The following GALNT7 variants were observed in gnomAD, a reference collection of about 807,000 sequenced individuals.
GALNT7 encodes polypeptide N-acetylgalactosaminyltransferase 7.
A neutral mutation model predicts 82.1 loss-of-function variants in GALNT7; 60 were observed. That is an observed-to-expected ratio of 0.73 (90% CI 0.59 to 0.91). The LOEUF is 0.91. Among genes scored for constraint, GALNT7 ranks in the 40% least tolerant of loss-of-function variants. The pLI is 0.00. For missense variants in GALNT7, 660 were observed against 804.2 expected, an observed-to-expected ratio of 0.82 and a Z score of 2.17; for synonymous variants, 243 against 275.1, an observed-to-expected ratio of 0.88 and a Z score of 1.15.
chr4:173,176,150 G>A (rs1356655814), intron 1 of GALNT7, among the ~76,000 whole-genome samples: 1 of 152,174 alleles, frequency 6.6e-6, no homozygotes, highest in Non-Finnish European at 1.5e-5. Context: ...GAAGGTGATG[G>A]CCAGAGCAGA....
intron 1 of GALNT7, among the ~76,000 whole-genome samples, chr4:173,222,389 A>G (rs1448843858): frequency 1.3e-5 from 2 of 152,176 alleles, no homozygotes; most frequent in Non-Finnish European, 2.9e-5. Flanking sequence ...CTCCTGCCTC[A>G]GTCTCCTGAG....
At position 173,317,620 on chromosome 4, in the gene GALNT7, A is replaced by T. The variant is rs1250587671; in HGVS notation, c.1609-14A>T. Reference sequence around the variant, plus strand: ...ACTGTTGCCTGCTTTTTGCGTCTTTATTCATTTTTTTAGATCAGAGGCTTC... The same window carrying T: ...ACTGTTGCCTGCTTTTTGCGTCTTTTTTCATTTTTTTAGATCAGAGGCTTC... On this transcript the variant is annotated splice_polypyrimidine_tract_variant and intron_variant, in intron 9 of 11. Coordinates refer to ENST00000265000, the MANE Select transcript of GALNT7 (RefSeq NM_017423.3). 2 of 1,524,630 alleles carry T rather than the reference A, an allele frequency of 1.3e-6. No individual in the cohort carries two copies. The highest frequency in any genetic ancestry group is 1.7e-5 in the Admixed American group (1 of 59,266). 94.4% of individuals were successfully genotyped at this position (1,524,630 alleles called of 1,614,324 possible).
At chr4:173,177,205 G>T (rs754229494) in intron 1 of GALNT7, among the ~76,000 whole-genome samples, 8 of 152,160 alleles carry the variant, frequency 5.3e-5, no homozygotes, top group Non-Finnish European at 7.3e-5. Context: ...CAGATAATTT[G>T]CATTTCTAAC....
At chr4:173,231,446 T>C (rs1325750764) in intron 1 of GALNT7, among the ~76,000 whole-genome samples, 1 of 152,188 alleles carries the variant, frequency 6.6e-6, no homozygotes, top group African/African-American at 2.4e-5. Flanking sequence ...TTTAGCATTG[T>C]GGCCACCAGC....
chr4:173,281,038 A>C (rs1330719985), intron 2 of GALNT7, among the ~76,000 whole-genome samples: 2 of 152,194 alleles, frequency 1.3e-5, no homozygotes, highest in Non-Finnish European at 1.5e-5. Flanking sequence ...CAGTCGGCCC[A>C]AAATTCAGAC....
chr4:173,275,233 G>A (rs1479078933), intron 2 of GALNT7, among the ~76,000 whole-genome samples: 2 of 152,162 alleles, frequency 1.3e-5, no homozygotes, highest in African/African-American at 2.4e-5. Flanking sequence ...ATTATTTAAG[G>A]TTATAGTAGA....
chr4:173,183,965 C>T (rs1384483786), intron 1 of GALNT7, among the ~76,000 whole-genome samples: 10 of 128,434 alleles, frequency 7.8e-5, no homozygotes, highest in Admixed American at 3.8e-4. Flanking sequence ...CAGACGGGGT[C>T]GCGGCCGGGC....
chr4:173,257,437 C>T (rs1193076259), intron 2 of GALNT7, among the ~76,000 whole-genome samples: 1 of 152,148 alleles, frequency 6.6e-6, no homozygotes, highest in Non-Finnish European at 1.5e-5. Flanking sequence ...CTTGGTATAT[C>T]ATAAATAGAT....
intron 2 of GALNT7, among the ~76,000 whole-genome samples, chr4:173,254,801 A>C (rs1213562603): frequency 6.6e-6 from 1 of 152,236 alleles, no homozygotes; most frequent in Non-Finnish European, 1.5e-5. Flanking sequence ...AACACATTTG[A>C]AAGTGGTTTC....
intron 2 of GALNT7, among the ~76,000 whole-genome samples, chr4:173,260,989 T>G (rs1263594640): frequency 6.6e-6 from 1 of 152,154 alleles, no homozygotes; most frequent in Non-Finnish European, 1.5e-5. Flanking sequence ...ACCATGCAGT[T>G]CAAAAACAAG....
At chr4:173,300,085 A>T (rs961976212) in intron 6 of GALNT7, among the ~76,000 whole-genome samples, 12 of 152,218 alleles carry the variant, frequency 7.9e-5, no homozygotes, top group Non-Finnish European at 1.6e-4. Context: ...ACTGTATGCC[A>T]AGCACTGTTT....
intron 1 of GALNT7, among the ~76,000 whole-genome samples, chr4:173,205,081 G>T (rs1050603833): frequency 6.6e-6 from 1 of 152,146 alleles, no homozygotes; most frequent in African/African-American, 2.4e-5. Context: ...CAGGTGGGTG[G>T]GCCTGGTACC....
chr4:173,180,568 T>C lies in GALNT7; in HGVS notation c.126+11607T>C, dbSNP rs561479897. 8.5e-5 allele frequency among the ~76,000 whole-genome samples: 13 copies of C among 152,314 alleles called. No homozygotes were observed. The South Asian group carries it at 1.9e-3, about 22-fold the overall frequency. On this transcript the variant is annotated intron_variant, in intron 1 of 11. Coordinates refer to ENST00000265000, the MANE Select transcript of GALNT7 (RefSeq NM_017423.3). ...GTCTCGAACTTCTGACCTCAGGTGATCCGCCTGCCTTGGTTTCCCAAAGTG... is the reference window on the plus strand; with the variant it reads ...GTCTCGAACTTCTGACCTCAGGTGACCCGCCTGCCTTGGTTTCCCAAAGTG...
chr4:173,182,989 T>C (rs1452148603), intron 1 of GALNT7, among the ~76,000 whole-genome samples: 5 of 140,500 alleles, frequency 3.6e-5, no homozygotes, highest in African/African-American at 1.1e-4. Flanking sequence ...AAATTAAAGA[T>C]AACCAAACCT....
intron 1 of GALNT7, among the ~76,000 whole-genome samples, chr4:173,192,212 A>G (rs79057449): frequency 0.022 from 3,410 of 152,262 alleles, 60 homozygotes; most frequent in Non-Finnish European, 0.037. Context: ...ACCAGTTACT[A>G]TATAAAGAAG....
intron 5 of GALNT7, 142 bp from the exon 6 acceptor site, chr4:173,297,973 T>G: frequency 6.7e-7 from 1 of 1,484,754 alleles, no homozygotes; most frequent in Non-Finnish European, 8.9e-7. Context: ...AACTGAACCT[T>G]ATCGGTAAAG....
rs567712673 is a variant in GALNT7, at chr4:173,196,528, G to C, written c.126+27567G>C. Among the ~76,000 whole-genome samples the C allele has an allele frequency of 8.5e-5, 13 of 152,234 alleles. No individual in the cohort carries two copies. In the South Asian group the frequency reaches 1.9e-3, roughly 22 times the overall value. On this transcript the variant is annotated intron_variant, in intron 1 of 11. Transcript: ENST00000265000. ...GAGCAGGGATAAGGCACTGTTATTT[G>C]GTAACGTGAAGTTTTTTTTCTTCAA... is the stretch of plus-strand genomic sequence containing the variant.
chr4:173,199,550 C>G (rs780902404), intron 1 of GALNT7, among the ~76,000 whole-genome samples: 16 of 152,152 alleles, frequency 1.1e-4, no homozygotes, highest in Non-Finnish European at 2.4e-4. Context: ...AGCTCAGATG[C>G]CTGAGTCTTC....
At chr4:173,199,061 G>A (rs142164201) in intron 1 of GALNT7, among the ~76,000 whole-genome samples, 76 of 152,266 alleles carry the variant, frequency 5.0e-4, no homozygotes, top group African/African-American at 1.7e-3. Flanking sequence ...GTTGCAATAA[G>A]AGCAAAGAGC....
Sources: allele counts gnomAD v4.1 joint callset (sites outside exome capture counted in the v4.1 genomes callset), GRCh38; gene constraint gnomAD v4.1.1; transcripts MANE v1.5; gene names NCBI Gene and HGNC (gene_info 2026-07-23, HGNC 2026-07-21).